TENM1: variants seen among roughly 807,000 people sequenced by gnomAD.
TENM1 encodes teneurin transmembrane protein 1.
Under a neutral mutation model 174.8 loss-of-function variants are expected in TENM1, and 35 were observed. The observed-to-expected ratio is 0.20, with a 90% confidence interval of 0.15 to 0.27. The LOEUF (loss-of-function observed/expected upper bound fraction) is 0.27, where lower values mean the gene tolerates loss of function less well. TENM1 is among the 10% of genes least tolerant of loss of function. The probability of loss-of-function intolerance (pLI) is 1.00; values close to 1 mark genes in which losing one functional copy is unlikely to be tolerated. For missense variants in TENM1, 1,633 were observed against 2,130.1 expected, an observed-to-expected ratio of 0.77 and a Z score of 4.59; for synonymous variants, 781 against 798.7, an observed-to-expected ratio of 0.98 and a Z score of 0.37.
intron 1 of TENM1, among the ~76,000 whole-genome samples, chrX:124,915,218 T>C (rs1236900181): frequency 1.8e-5 from 2 of 112,421 alleles, no homozygotes; most frequent in Non-Finnish European, 3.8e-5. Context: ...AAAAACTCTC[T>C]ACTCCTACTA....
chrX:125,182,912 C>T, the TENM1 span, among the ~76,000 whole-genome samples: 1 of 111,924 alleles, frequency 8.9e-6, no homozygotes, highest in East Asian at 2.8e-4. Flanking sequence ...GCTGAACATA[C>T]ACTATTTAAA....
At chrX:124,574,180 T>C (rs1411369212) in intron 11 of TENM1, among the ~76,000 whole-genome samples, 2 of 112,111 alleles carry the variant, frequency 1.8e-5, no homozygotes, top group African/African-American at 3.2e-5. Flanking sequence ...ACAACACTTG[T>C]ATAAATTGAA....
chrX:124,654,395 C>G (rs1254567168), intron 6 of TENM1, among the ~76,000 whole-genome samples: 1 of 112,413 alleles, frequency 8.9e-6, no homozygotes, highest in Non-Finnish European at 1.9e-5. Flanking sequence ...GGTATATTCC[C>G]AGTACCTAGA....
chrX:124,815,634 T>C (rs2055879330), intron 3 of TENM1, among the ~76,000 whole-genome samples: 1 of 111,586 alleles, frequency 9.0e-6, no homozygotes, highest in African/African-American at 3.2e-5. Flanking sequence ...CAGCATTTCA[T>C]ATTTTAGAGT....
intron 1 of TENM1, among the ~76,000 whole-genome samples, chrX:124,924,042 C>T (rs1231577338): frequency 8.9e-6 from 1 of 112,287 alleles, no homozygotes; most frequent in Non-Finnish European, 1.9e-5. Context: ...ATGTAAATAA[C>T]AGTTTGTTTC....
intron 3 of TENM1, among the ~76,000 whole-genome samples, chrX:124,760,549 T>C (rs1369862419): frequency 8.9e-6 from 1 of 112,033 alleles, no homozygotes; most frequent in Non-Finnish European, 1.9e-5. Context: ...TAATTCAAGA[T>C]GGATTAAAGA....
At chrX:125,048,478 T>C in the TENM1 span, among the ~76,000 whole-genome samples, 6 of 110,693 alleles carry the variant, frequency 5.4e-5, no homozygotes, top group East Asian at 1.7e-3. Context: ...CTTGGTCTTA[T>C]CTAAATTGAC....
chrX:124,706,652 C>T (rs752020584), intron 4 of TENM1, among the ~76,000 whole-genome samples: 4 of 111,909 alleles, frequency 3.6e-5, no homozygotes, highest in East Asian at 2.8e-4. Flanking sequence ...AATGTATTCA[C>T]ATGGAAGGAG....
chrX:124,645,248 C>G (rs201117886), exon 10 of TENM1: 1 of 1,211,579 alleles, frequency 8.3e-7, no homozygotes, highest in South Asian at 1.8e-5. Context: ...TCTTCCGGAA[C>G]GTCACACTCT....
chrX:124,453,235 G>C, intron 23 of TENM1, 102 bp downstream of exon 26: 1 of 833,837 alleles, frequency 1.2e-6, no homozygotes, highest in Non-Finnish European at 1.7e-6. Flanking sequence ...TGTTATAACA[G>C]ATATGCCAGG....
At chrX:125,033,929 A>G in the TENM1 span, among the ~76,000 whole-genome samples, 1 of 112,161 alleles carries the variant, frequency 8.9e-6, no homozygotes. Flanking sequence ...AAATACATAC[A>G]TGCTTATCTA....
At chrX:124,756,532 A>C (rs1163839154) in intron 3 of TENM1, among the ~76,000 whole-genome samples, 48 of 111,761 alleles carry the variant, frequency 4.3e-4, no homozygotes, top group Non-Finnish European at 8.1e-4. Context: ...GTTGCTGGTG[A>C]GGAACTGCGT....
intron 15 of TENM1, among the ~76,000 whole-genome samples, chrX:124,543,870 T>C (rs1170486129): frequency 2.7e-5 from 3 of 112,372 alleles, no homozygotes; most frequent in Non-Finnish European, 3.8e-5. Context: ...CACATGTGGG[T>C]GCAGCTAACT....
At chrX:124,964,660 A>G (rs2058702637), upstream of TENM1, among the ~76,000 whole-genome samples, 1 of 111,718 alleles carries the variant, frequency 9.0e-6, no homozygotes, top group Admixed American at 9.5e-5. Flanking sequence ...GAGTTTCGAG[A>G]CGATCAAGTG....
At chrX:124,981,879 C>CAACTAAGTTCTCCTAT in the TENM1 span, among the ~76,000 whole-genome samples, 19 of 51,874 alleles carry the variant, frequency 3.7e-4, no homozygotes, top group African/African-American at 1.3e-3. Context: ...ACAGGTGCAG[C>CAACTAAGTTCTCCTAT]GCACCAGCAT....
At chrX:125,032,448 G>T in the TENM1 span, among the ~76,000 whole-genome samples, 1 of 110,970 alleles carries the variant, frequency 9.0e-6, no homozygotes, top group Admixed American at 9.7e-5. Context: ...GGGATTACAG[G>T]AGTGAGCCAC....
chrX:124,405,345 A>C lies in TENM1; in HGVS notation c.5156-79T>G. On this transcript the variant is annotated intron_variant, in intron 26 of 31. Coordinates refer to ENST00000422452, the Ensembl canonical transcript of TENM1. ...GCAGAAAAGAGACAGGTTTAGTTTT[A>C]GGAGGCACGTTTGGGGGATAAGCAG... 4.8e-6 allele frequency: 4 copies of C among 842,095 alleles called. No homozygotes were observed. The South Asian group carries it at 7.0e-5, about 15-fold the overall frequency. 69.4% of individuals were successfully genotyped at this position (842,095 alleles called of 1,213,427 possible). A position where few individuals can be genotyped will look rare whatever the true frequency, so the allele number is the denominator to read the frequency against.
chrX:124,842,057 G>C (rs1448621084), intron 3 of TENM1, among the ~76,000 whole-genome samples: 2 of 111,305 alleles, frequency 1.8e-5, no homozygotes, highest in East Asian at 5.7e-4. Context: ...ACCAGGACTG[G>C]GTATAGGCAA....
the TENM1 span, among the ~76,000 whole-genome samples, chrX:125,084,512 T>C: frequency 1.2e-4 from 13 of 111,372 alleles, no homozygotes; most frequent in South Asian, 3.7e-4. Flanking sequence ...TGGTCTTCCA[T>C]AGTCCCTAGT....
Sources: allele counts gnomAD v4.1 joint callset (sites outside exome capture counted in the v4.1 genomes callset), GRCh38; gene constraint gnomAD v4.1.1; transcripts MANE v1.5; gene names NCBI Gene and HGNC (gene_info 2026-07-23, HGNC 2026-07-21).